ATRX: variants seen among roughly 807,000 people sequenced by gnomAD.
The protein encoded by ATRX is ATRX chromatin remodeler.
ATRX carries 12 observed loss-of-function variants against 172.6 expected under a neutral mutation model. The ratio of observed to expected loss-of-function variants is 0.07; its 90% CI spans 0.04 to 0.11. The LOEUF (loss-of-function observed/expected upper bound fraction) is 0.11. Among genes scored for constraint, ATRX ranks in the 10% least tolerant of loss-of-function variants. The probability of loss-of-function intolerance (pLI) is 1.00; values close to 1 mark genes in which losing one functional copy is unlikely to be tolerated. For synonymous variants in ATRX, 674 were observed against 594.7 expected (o/e 1.13, Z -1.94); for missense variants, 1,368 against 1,767.4 (o/e 0.77, Z 4.05).
intron 28 of ATRX, among the ~76,000 whole-genome samples, chrX:77,559,802 A>G (rs945399233): frequency 9.0e-6 from 1 of 111,017 alleles, no homozygotes; most frequent in African/African-American, 3.3e-5. Flanking sequence ...TGAATTGGTG[A>G]TAGGTATATA....
In ATRX at chrX:77,703,359, G is replaced by A. The variant is rs182382309; in HGVS notation, c.134-4730C>T. On this transcript the variant is annotated intron_variant, in intron 2 of 34. Coordinates refer to ENST00000373344, the MANE Select transcript of ATRX (RefSeq NM_000489.6). ...GGGTATGTGAGCAAGTGTGGGGTCC[G>A]GTCACTGCGCAATCAGACATCCTGG... Among the ~76,000 whole-genome samples the A allele has an allele frequency of 3.8e-3, 426 of 112,894 alleles. 1 individual carries two copies. Among genetic ancestry groups the A allele is most frequent in the African/African-American group, 0.013 (398 of 31,161 alleles).
intron 12 of ATRX, among the ~76,000 whole-genome samples, chrX:77,657,323 T>A (rs920869455): frequency 3.6e-5 from 4 of 111,737 alleles, no homozygotes; most frequent in African/African-American, 1.3e-4. Flanking sequence ...ATCCTCAATT[T>A]TCTTTTTCTC....
chrX:77,560,665 A>G (rs1468413938), intron 28 of ATRX, among the ~76,000 whole-genome samples: 2 of 111,570 alleles, frequency 1.8e-5, no homozygotes, highest in African/African-American at 6.5e-5. Flanking sequence ...TAGAATGCAA[A>G]GAAACTCTAA....
At chrX:77,611,090 T>A (rs1488550740) in intron 22 of ATRX, among the ~76,000 whole-genome samples, 1 of 110,834 alleles carries the variant, frequency 9.0e-6, no homozygotes, top group Non-Finnish European at 1.9e-5. Flanking sequence ...AACTAGCAGT[T>A]CCAACTTCTA....
chrX:77,713,952 AG>A (rs1380472334), intron 2 of ATRX, among the ~76,000 whole-genome samples: 1 of 111,537 alleles, frequency 9.0e-6, no homozygotes, highest in Non-Finnish European at 1.9e-5. Context: ...AGGAGATGAG[AG>A]GGAGAGGGAC....
chrX:77,631,990 T>C (rs1222315008), intron 19 of ATRX, among the ~76,000 whole-genome samples: 1 of 110,740 alleles, frequency 9.0e-6, no homozygotes, highest in Non-Finnish European at 1.9e-5. Context: ...TGAAAAGTTT[T>C]TTTTTGTTTT....
rs191471489 is a variant in ATRX at position 77,700,068 on chromosome X, G to T, written c.134-1439C>A. On this transcript the variant is annotated intron_variant, in intron 2 of 34. Coordinates refer to ENST00000373344, the MANE Select transcript of ATRX (RefSeq NM_000489.6). ...TCAGAAGACAGGCTAGAGACTGGGA[G>T]AAAATCTTCACAAAGTACACATCTG... Among the ~76,000 whole-genome samples, 83 of 111,122 alleles carry T rather than the reference G, an allele frequency of 7.5e-4. 1 individual carries two copies. Among genetic ancestry groups the T allele is most frequent in the African/African-American group, 2.5e-3 (78 of 30,595 alleles).
intron 1 of ATRX, among the ~76,000 whole-genome samples, chrX:77,720,701 A>G (rs1057360671): frequency 8.9e-6 from 1 of 111,980 alleles, no homozygotes; most frequent in African/African-American, 3.2e-5. Flanking sequence ...ACCGATCAAA[A>G]TAAGTCCAGG....
intron 30 of ATRX, among the ~76,000 whole-genome samples, chrX:77,541,326 A>G (rs1557050737): frequency 8.9e-6 from 1 of 112,260 alleles, no homozygotes; most frequent in East Asian, 2.8e-4. Context: ...GCAGTAATTA[A>G]TAGCCCACAA....
intron 34 of ATRX, among the ~76,000 whole-genome samples, chrX:77,518,173 A>C (rs2063116131): frequency 8.9e-6 from 1 of 112,274 alleles, no homozygotes; most frequent in African/African-American, 3.2e-5. Flanking sequence ...TAGCTAGAGC[A>C]ATCAGACAAG....
chrX:77,509,605 G>A (rs1426536137), intron 34 of ATRX, among the ~76,000 whole-genome samples: 1 of 111,200 alleles, frequency 9.0e-6, no homozygotes, highest in African/African-American at 3.3e-5. Flanking sequence ...GGCAGGGAGA[G>A]AGAATCTATG....
At chrX:77,524,098 G>A (rs1357467836) in intron 30 of ATRX, among the ~76,000 whole-genome samples, 1 of 111,652 alleles carries the variant, frequency 9.0e-6, no homozygotes, top group Non-Finnish European at 1.9e-5. Flanking sequence ...TATATACTCA[G>A]TAAGAACAAC....
intron 30 of ATRX, among the ~76,000 whole-genome samples, chrX:77,529,998 G>A (rs368693542): frequency 1.8e-5 from 2 of 111,633 alleles, no homozygotes; most frequent in African/African-American, 3.3e-5. Flanking sequence ...CAGAATATAC[G>A]TTCTTCTCAT....
At chrX:77,730,975 C>T (rs1557175890) in intron 1 of ATRX, among the ~76,000 whole-genome samples, 1 of 107,443 alleles carries the variant, frequency 9.3e-6, no homozygotes. Flanking sequence ...TAATAAAGAT[C>T]AGAGTGAAGC....
chrX:77,618,961 T>C lies in ATRX; in HGVS notation c.5293A>G (p.Ile1765Val), dbSNP rs1353207965. Residue 1765 changes from isoleucine to valine, a missense_variant, in exon 21 of 35, where the codon ATC becomes GTC. By Grantham distance (29) the Ile-to-Val change is conservative. Transcript: ENST00000373344. ...LIEYHCMVNF[I>V]KENLLGSIKE... ...ATGGATCCAAGTAAATTTTCCTTGATAAAATTAACCATACAATGATCTAAG... is the reference window on the plus strand; with the variant it reads ...ATGGATCCAAGTAAATTTTCCTTGACAAAATTAACCATACAATGATCTAAG... 5.2e-6 allele frequency: 6 copies of C among 1,157,106 alleles called. No individual in the cohort carries two copies. The highest frequency in any genetic ancestry group is 5.9e-6 in the Non-Finnish European group (5 of 846,596).
At chrX:77,746,770 GAC>G (rs1433292681) in intron 1 of ATRX, among the ~76,000 whole-genome samples, 1 of 111,845 alleles carries the variant, frequency 8.9e-6, no homozygotes, top group African/African-American at 3.2e-5. Context: ...AGATTTAAGA[GAC>G]ACAATTTTCT....
At chrX:77,586,153 T>C (rs1475561678) in intron 27 of ATRX, among the ~76,000 whole-genome samples, 5 of 112,392 alleles carry the variant, frequency 4.4e-5, no homozygotes, top group African/African-American at 1.6e-4. Flanking sequence ...AATGGATTTT[T>C]TGTATCACAA....
At chrX:77,606,232 A>G (rs1762609636) in intron 22 of ATRX, among the ~76,000 whole-genome samples, 1 of 110,883 alleles carries the variant, frequency 9.0e-6, no homozygotes, top group East Asian at 2.8e-4. Flanking sequence ...TGAACCTAAA[A>G]TGAAAATGTA....
chrX:77,636,965 A>C (rs2068400581), intron 15 of ATRX, among the ~76,000 whole-genome samples: 1 of 101,528 alleles, frequency 9.8e-6, no homozygotes, highest in Admixed American at 1.0e-4. Flanking sequence ...AGGAGGAGGA[A>C]GAAAAAAGAA....
Sources: allele counts gnomAD v4.1 joint callset (sites outside exome capture counted in the v4.1 genomes callset), GRCh38; gene constraint gnomAD v4.1.1; transcripts MANE v1.5; gene names NCBI Gene and HGNC (gene_info 2026-07-23, HGNC 2026-07-21).